LAMA1: variants seen among roughly 807,000 people sequenced by gnomAD.
LAMA1 encodes the protein laminin subunit alpha-1.
LAMA1 carries 219 observed loss-of-function variants against 348.7 expected under a neutral mutation model. The observed-to-expected ratio is 0.63, with a 90% confidence interval of 0.56 to 0.70. The LOEUF (loss-of-function observed/expected upper bound fraction) is 0.70. LAMA1 is among the 30% of genes least tolerant of loss of function. The pLI is 0.00. For missense variants in LAMA1, 3,744 were observed against 3,888.0 expected (o/e 0.96, Z 0.99); for synonymous variants, 1,487 against 1,491.0 (o/e 1.00, Z 0.06).
intron 48 of LAMA1, among the ~76,000 whole-genome samples, chr18:6,970,833 G>C (rs988348948): frequency 1.3e-5 from 2 of 152,020 alleles, no homozygotes; most frequent in African/African-American, 4.8e-5. Flanking sequence ...GGCTGGTATC[G>C]AACTCCTAAC....
chr18:7,007,300 C>CA, intron 28 of LAMA1, 24 bp from the exon 29 acceptor site: 2 of 1,604,890 alleles, frequency 1.2e-6, no homozygotes, highest in African/African-American at 1.3e-5. Flanking sequence ...AAAGGGAGGA[C>CA]AAAAAAGTCT....
chr18:7,049,050 T>C (rs2058052641), intron 5 of LAMA1, 28 bp downstream of exon 5: 1 of 1,596,452 alleles, frequency 6.3e-7, no homozygotes, highest in African/African-American at 1.3e-5. Flanking sequence ...TTTTATTTTA[T>C]TTGGCAGGAC....
intron 23 of LAMA1, among the ~76,000 whole-genome samples, chr18:7,013,259 A>G (rs909940928): frequency 6.6e-6 from 1 of 152,070 alleles, no homozygotes; most frequent in South Asian, 2.1e-4. Flanking sequence ...CCAGTCACCC[A>G]TCAGCTCATT....
At chr18:7,072,918 C>T (rs959544250) in intron 3 of LAMA1, among the ~76,000 whole-genome samples, 15 of 152,320 alleles carry the variant, frequency 9.8e-5, no homozygotes, top group African/African-American at 3.6e-4. Context: ...CGGGTCCTAT[C>T]AGCCTTGCCC....
chr18:7,079,927 C>T (rs1161195036), intron 3 of LAMA1, 48 bp downstream of exon 3: 2 of 1,336,884 alleles, frequency 1.5e-6, no homozygotes, highest in Non-Finnish European at 2.2e-6. Flanking sequence ...CAGAAGACCA[C>T]AGCTCAGCAG....
chr18:7,037,601 G>A lies in LAMA1; in HGVS notation c.1714C>T (p.Pro572Ser). 1.9e-6 allele frequency: 3 copies of A among 1,613,964 alleles called. No homozygotes were observed. Among genetic ancestry groups the A allele is most frequent in the Non-Finnish European group, 2.5e-6 (3 of 1,180,012 alleles). ...ACCTTATTTCCAAGGTAGGCCTCGG[G>A]GGCTGCCCAGTAGTACTTGGGAGCC... ...RLAPKYYWAA[P>S]EAYLGNKLTA... Residue 572 changes from proline (P) to serine (S), a missense_variant, in exon 12 of 63, where the codon CCC becomes TCC. Physicochemically the swap from Pro to Ser is moderately conservative, Grantham distance 74 (BLOSUM62 -1). Coordinates refer to ENST00000389658, the MANE Select transcript of LAMA1 (RefSeq NM_005559.4).
chr18:6,970,026 A>G (rs1052898488), intron 48 of LAMA1, among the ~76,000 whole-genome samples: 1 of 152,156 alleles, frequency 6.6e-6, no homozygotes, highest in Non-Finnish European at 1.5e-5. Context: ...TCTAACAGTG[A>G]GGTTAATGAT....
At chr18:7,098,735 G>A (rs1282873566) in intron 1 of LAMA1, among the ~76,000 whole-genome samples, 4 of 141,208 alleles carry the variant, frequency 2.8e-5, no homozygotes, top group Admixed American at 7.1e-5. Flanking sequence ...TCAGCCCCCC[G>A]CCCGGCCAGC....
chr18:7,078,402 G>A (rs1018560397), intron 3 of LAMA1, among the ~76,000 whole-genome samples: 4 of 151,604 alleles, frequency 2.6e-5, no homozygotes, highest in Non-Finnish European at 4.4e-5. Flanking sequence ...TCCTGACCTC[G>A]TGATCCACCC....
intron 53 of LAMA1, 45 bp downstream of exon 53, chr18:6,961,541 A>G (rs1269226669): frequency 6.2e-7 from 1 of 1,609,030 alleles, no homozygotes; most frequent in Non-Finnish European, 8.5e-7. Flanking sequence ...TGTTTCCCGA[A>G]GTAATTTCCT....
rs143997842 is a variant in LAMA1 at position 7,037,642 on chromosome 18, G to A, written c.1673C>T (p.Ala558Val). ...CTTGGGAGCCAGTCTCTGCATGACC[G>A]CGGTGTTGTTGATGCTGACCTGATG... ...GRHQVSINNTAVMQRLAPKYY... is the reference protein window; with the variant it reads ...GRHQVSINNTVVMQRLAPKYY... Residue 558 changes from alanine (A) to valine (V), a missense_variant, in exon 12 of 63, where the codon GCG (alanine) becomes GTG (valine). Ala to Val is a moderately conservative substitution (Grantham distance 64). Transcript: ENST00000389658. 9,329 of 1,614,136 alleles carry A rather than the reference G, an allele frequency of 5.8e-3. 28 individuals carry two copies. The highest frequency in any genetic ancestry group is 7.2e-3 in the Non-Finnish European group (8,493 of 1,180,028).
chr18:6,949,372 T>C (rs747619384), intron 58 of LAMA1, 113 bp from the exon 59 acceptor site: 5 of 1,054,052 alleles, frequency 4.7e-6, no homozygotes, highest in Non-Finnish European at 7.2e-6. Flanking sequence ...ACAACCTGAA[T>C]GCAATGCTAA....
rs1049345926 is a variant in LAMA1, at chr18:6,955,346, T to C, written c.8207+7A>G. ...ACGCCGCATAAGGATGTTAGAATGA[T>C]ACCTACTTCTTTCTGACAGCCGACT... On this transcript the variant is annotated splice_region_variant and intron_variant, in intron 57 of 62. Coordinates refer to ENST00000389658, the MANE Select transcript of LAMA1 (RefSeq NM_005559.4). 1.1e-5 allele frequency: 17 copies of C among 1,606,028 alleles called. No individual in the cohort carries two copies. The highest frequency in any genetic ancestry group is 1.4e-5 in the Non-Finnish European group (16 of 1,173,306).
At position 6,955,430 on chromosome 18, in the gene LAMA1, A is replaced by G; in HGVS notation, c.8130T>C (p.Val2710=). Residue 2710 remains valine, a synonymous_variant, in exon 57 of 63, where the codon GTT becomes GTC. Coordinates refer to ENST00000389658, the MANE Select transcript of LAMA1 (RefSeq NM_005559.4). ...QCVVDAALEY[V]PGAHQFGLTQ... Reference sequence around the variant, plus strand: ...TGAGACCAAACTGGTGAGCGCCGGGAACGTACTCCAGAGCTGCATCCACCA... The same window carrying G: ...TGAGACCAAACTGGTGAGCGCCGGGGACGTACTCCAGAGCTGCATCCACCA... 6.2e-7 allele frequency: 1 copy of G among 1,614,110 alleles called. No homozygotes were observed.
chr18:7,049,944 A>G (rs903960673), intron 4 of LAMA1, among the ~76,000 whole-genome samples: 23 of 152,242 alleles, frequency 1.5e-4, no homozygotes, highest in Admixed American at 1.4e-3. Flanking sequence ...TACGGCATTC[A>G]TCACATTATG....
In LAMA1 at chr18:7,075,633, A is replaced by T. The variant is rs2058164602; in HGVS notation, c.345+4342T>A. Among the ~76,000 whole-genome samples the T allele has an allele frequency of 2.0e-5, 3 of 151,510 alleles. No individual in the cohort carries two copies. The South Asian group carries it at 6.3e-4, about 32-fold the overall frequency. On this transcript the variant is annotated intron_variant, in intron 3 of 62. Transcript: ENST00000389658. ...AGCGAAACTCCGTCTCAAAAAAAAA[A>T]TAACGGAAGAAAGAAAGCACTAGGC...
At chr18:7,104,655 G>T (rs1307107463) in intron 1 of LAMA1, among the ~76,000 whole-genome samples, 1 of 152,140 alleles carries the variant, frequency 6.6e-6, no homozygotes, top group African/African-American at 2.4e-5. Flanking sequence ...GGCCTTAGAA[G>T]TCCCACTCAA....
intron 3 of LAMA1, among the ~76,000 whole-genome samples, chr18:7,051,210 A>G (rs1442542541): frequency 6.6e-6 from 1 of 152,208 alleles, no homozygotes; most frequent in Non-Finnish European, 1.5e-5. Flanking sequence ...TATTTATTAA[A>G]AGGGTAGATC....
chr18:7,112,583 A>T (rs2058339939), intron 1 of LAMA1, among the ~76,000 whole-genome samples: 1 of 150,068 alleles, frequency 6.7e-6, no homozygotes, highest in Non-Finnish European at 1.5e-5. Flanking sequence ...ATAAATGTGG[A>T]TTATCTATTA....
Sources: gnomAD v4.1 joint callset for allele counts (sites outside exome capture counted in the v4.1 genomes callset) on GRCh38, gnomAD v4.1.1 for gene constraint, MANE v1.5 for transcripts, NCBI Gene and HGNC (gene_info 2026-07-23, HGNC 2026-07-21) for gene names.